PFKL: variants seen among roughly 807,000 people sequenced by gnomAD.
PFKL encodes ATP-dependent 6-phosphofructokinase, liver type.
A neutral mutation model predicts 92.1 loss-of-function variants in PFKL; 74 were observed. The ratio of observed to expected loss-of-function variants is 0.80; its 90% CI spans 0.67 to 0.97. The LOEUF is 0.97. Among genes scored for constraint, PFKL ranks in the 50% least tolerant of loss-of-function variants. The pLI, the probability that PFKL is intolerant of heterozygous loss-of-function variation, is 0.00. For missense variants in PFKL, 1,028 were observed against 1,116.6 expected (o/e 0.92, Z 1.13); for synonymous variants, 494 against 456.4 (o/e 1.08, Z -1.05).
At chr21:44,322,715 C>G (rs572554682) in intron 14 of PFKL, among the ~76,000 whole-genome samples, 11 of 152,178 alleles carry the variant, frequency 7.2e-5, no homozygotes, top group Non-Finnish European at 1.6e-4. Flanking sequence ...CCACGGGGAG[C>G]CCAGCGGGGT....
At chr21:44,300,510 G>A (rs1337755079) in intron 1 of PFKL, among the ~76,000 whole-genome samples, 1 of 152,140 alleles carries the variant, frequency 6.6e-6, no homozygotes, top group Non-Finnish European at 1.5e-5. Context: ...CGAGCGGAGG[G>A]CGCCGGTCCC....
chr21:44,322,538 C>A (rs897441586), intron 14 of PFKL, among the ~76,000 whole-genome samples: 4 of 152,218 alleles, frequency 2.6e-5, no homozygotes, highest in Admixed American at 6.5e-5. Flanking sequence ...TGGCTTTTGT[C>A]CCAGGGCCTG....
chr21:44,300,604 C>T (rs1242297864), intron 1 of PFKL, among the ~76,000 whole-genome samples: 1 of 152,242 alleles, frequency 6.6e-6, no homozygotes. Flanking sequence ...AGGCTGCGGG[C>T]TTCCGGGACC....
At chr21:44,305,684 C>T in intron 1 of PFKL, 2 of 1,101,952 alleles carry the variant, frequency 1.8e-6, no homozygotes, top group Non-Finnish European at 2.4e-6. Flanking sequence ...TTGGCTGCCC[C>T]TTTTGTATGA....
chr21:44,307,112 T>C (rs2040972180), intron 2 of PFKL: 1 of 175,810 alleles, frequency 5.7e-6, no homozygotes, highest in South Asian at 1.9e-4. Context: ...GCCTGGCCCT[T>C]GTCCCGCCCC....
Position 44,323,802 on chromosome 21 carries a change from G to T in PFKL, c.1534G>T (p.Gly512Trp), listed in dbSNP as rs754798118. The T allele has an allele frequency of 6.2e-7, 1 of 1,612,694 alleles. No homozygotes were observed. Among genetic ancestry groups the T allele is most frequent in the South Asian group, 1.1e-5 (1 of 91,044 alleles). ...GGTGCTGCAGCTGGTGGAGGCTCGC[G>T]GGCGCTACGAGGAGCTCTGCATCGT... Reference protein sequence around the residue: ...EGVLQLVEARGRYEELCIVMC... With the variant: ...EGVLQLVEARWRYEELCIVMC... The change falls in exon 16 of 22, where the codon GGG (glycine) becomes TGG (tryptophan). Residue 512 changes from glycine to tryptophan, a missense_variant. By Grantham distance (184) the Gly-to-Trp change is radical (BLOSUM62 -2). Coordinates refer to ENST00000349048, the MANE Select transcript of PFKL (RefSeq NM_002626.6).
At chr21:44,303,880 G>A (rs1456602724) in intron 1 of PFKL, among the ~76,000 whole-genome samples, 1 of 152,156 alleles carries the variant, frequency 6.6e-6, no homozygotes, top group African/African-American at 2.4e-5. Flanking sequence ...TGTCCTGCCT[G>A]CCCTCTGACT....
chr21:44,321,607 G>A (rs528970338), intron 12 of PFKL, 122 bp from the exon 13 acceptor site: 19 of 967,460 alleles, frequency 2.0e-5, no homozygotes, highest in East Asian at 1.2e-4. Context: ...GCTGGGCAGC[G>A]TCCAGGCTGC....
In PFKL at chr21:44,323,789, G is replaced by A. The variant is rs1185831911; in HGVS notation, c.1521G>A (p.Leu507=). 1.2e-6 allele frequency: 2 copies of A among 1,612,900 alleles called. No homozygotes were observed. The highest frequency in any genetic ancestry group is 8.5e-7 in the Non-Finnish European group (1 of 1,179,800). ...AGGCCTATGAAGGGGTGCTGCAGCT[G>A]GTGGAGGCTCGCGGGCGCTACGAGG... ...GFEAYEGVLQ[L]VEARGRYEEL... The change falls in exon 16 of 22, where the codon CTG becomes CTA. Residue 507 remains leucine (L), a synonymous_variant. Coordinates refer to ENST00000349048, the MANE Select transcript of PFKL (RefSeq NM_002626.6).
intron 7 of PFKL, chr21:44,315,376 G>C (rs1466332756): frequency 6.6e-6 from 1 of 152,486 alleles, no homozygotes; most frequent in Admixed American, 6.5e-5. Context: ...GTGCACTGGG[G>C]CAGGGAGGGT....
chr21:44,303,858 C>T (rs925533322), intron 1 of PFKL, among the ~76,000 whole-genome samples: 1 of 152,138 alleles, frequency 6.6e-6, no homozygotes, highest in Admixed American at 6.5e-5. Context: ...TGGTAGGCAG[C>T]GGCAGGCCCA....
At position 44,300,083 on chromosome 21, in the gene PFKL, G is replaced by A; in HGVS notation, c.-23G>A. ...GGCGCAGGCGGCGGGAGTGCGAGCT[G>A]GGCCCGTGTTTCGGCCGCCGCCATG... is the stretch of plus-strand genomic sequence containing the variant. On this transcript the variant is annotated 5_prime_UTR_variant, in exon 1 of 22. Coordinates refer to ENST00000349048, the MANE Select transcript of PFKL (RefSeq NM_002626.6). 2.7e-6 allele frequency: 3 copies of A among 1,102,064 alleles called. No individual in the cohort carries two copies. The highest frequency in any genetic ancestry group is 3.3e-6 in the Non-Finnish European group (3 of 895,856). The allele number at this position is 1,102,064 out of a possible 1,614,324, so 68.3% of individuals were successfully genotyped here.
intron 2 of PFKL, chr21:44,307,401 G>C (rs545545009): frequency 1.6e-6 from 1 of 619,798 alleles, no homozygotes; most frequent in Non-Finnish European, 2.0e-6. Context: ...GCCACACCAC[G>C]CACTCACAGG....
chr21:44,324,232 C>T lies in PFKL; in HGVS notation c.1651-259C>T, dbSNP rs953885207. On this transcript the variant is annotated intron_variant, in intron 16 of 21. Coordinates refer to ENST00000349048, the MANE Select transcript of PFKL (RefSeq NM_002626.6). ...GGCCTCTGTCCAAGGGTGCCAGGGA[C>T]ACCCCTGCCCACTCACAGCCAGTGT... 9.9e-5 allele frequency among the ~76,000 whole-genome samples: 15 copies of T among 152,226 alleles called. No individual in the cohort carries two copies. In the East Asian group the frequency reaches 2.7e-3, roughly 27 times the overall value.
intron 9 of PFKL, 84 bp from the exon 10 acceptor site, chr21:44,318,386 G>C (rs1301617674): frequency 1.5e-6 from 2 of 1,327,768 alleles, no homozygotes; most frequent in South Asian, 4.1e-5. Flanking sequence ...CTGGAAGCTG[G>C]GGTTTGCACA....
chr21:44,311,124 G>T (rs1568949425), intron 3 of PFKL, 41 bp downstream of exon 3: 2 of 1,513,920 alleles, frequency 1.3e-6, no homozygotes, highest in Non-Finnish European at 1.8e-6. Flanking sequence ...ACTTGGACTC[G>T]CAGACAGACA....
At chr21:44,307,365 A>G (rs1215768420) in intron 2 of PFKL, 3 of 939,698 alleles carry the variant, frequency 3.2e-6, no homozygotes, top group East Asian at 1.2e-4. Context: ...ACACATGTGC[A>G]CACACAGGCG....
chr21:44,313,199 TGAG>T, intron 5 of PFKL, 56 bp downstream of exon 5: 1 of 1,574,164 alleles, frequency 6.4e-7, no homozygotes, highest in Admixed American at 1.7e-5. Context: ...CGCACGGTGG[TGAG>T]GTGGTCTCAG....
chr21:44,325,177 C>T lies in PFKL; in HGVS notation c.1902C>T (p.Tyr634=), dbSNP rs528974729. The stretch of plus-strand genomic sequence containing the variant: ...GGAACGAGAAGTGCCATGACTACTA[C>T]ACCACGGAGTTCCTGTACAACCTGT... ...VLRNEKCHDY[Y]TTEFLYNLYS... The change falls in exon 19 of 22, where the codon TAC becomes TAT. Residue 634 remains tyrosine, a synonymous_variant. Transcript: ENST00000349048. 2.9e-5 allele frequency: 46 copies of T among 1,612,504 alleles called. 1 individual carries two copies. In the South Asian group the frequency reaches 4.8e-4, roughly 17 times the overall value.
Sources: gnomAD v4.1 joint callset for allele counts (sites outside exome capture counted in the v4.1 genomes callset) on GRCh38, gnomAD v4.1.1 for gene constraint, MANE v1.5 for transcripts, NCBI Gene and HGNC (gene_info 2026-07-23, HGNC 2026-07-21) for gene names.